The following G2E3 variants were observed in gnomAD, a reference collection of about 807,000 sequenced individuals.
G2E3 encodes the protein G2/M phase-specific E3 ubiquitin-protein ligase.
G2E3 carries 35 observed loss-of-function variants against 92.8 expected under a neutral mutation model. The observed-to-expected ratio is 0.38, with a 90% CI of 0.29 to 0.50. The LOEUF is 0.50. Among genes scored for constraint, G2E3 ranks in the 20% least tolerant of loss-of-function variants. The pLI is 0.94. For missense variants in G2E3, 554 were observed against 823.8 expected (o/e 0.67, Z 4.01); for synonymous variants, 242 against 272.4 (o/e 0.89, Z 1.10).
intron 1 of G2E3, among the ~76,000 whole-genome samples, chr14:30,563,483 T>C (rs1419087923): frequency 6.6e-6 from 1 of 152,034 alleles, no homozygotes; most frequent in Non-Finnish European, 1.5e-5. Context: ...TGTGATTTCT[T>C]GATTTTGGAG....
chr14:30,571,553 C>G (rs1387041144), intron 1 of G2E3, among the ~76,000 whole-genome samples: 1 of 151,892 alleles, frequency 6.6e-6, no homozygotes. Flanking sequence ...ATGTTTTCTT[C>G]TAGAAGTTTT....
chr14:30,560,799 G>A (rs781099291), intron 1 of G2E3: 22 of 701,912 alleles, frequency 3.1e-5, no homozygotes, highest in Admixed American at 6.0e-5. Context: ...TGAATCAGTA[G>A]GTCTGGAGGA....
At chr14:30,566,957 T>A (rs1879473842) in intron 1 of G2E3, among the ~76,000 whole-genome samples, 3 of 152,308 alleles carry the variant, frequency 2.0e-5, no homozygotes, top group South Asian at 2.1e-4. Context: ...CTTTTCCTTT[T>A]TCTCTATTAG....
At chr14:30,569,185 C>G (rs1026686319) in intron 1 of G2E3, among the ~76,000 whole-genome samples, 2 of 152,028 alleles carry the variant, frequency 1.3e-5, no homozygotes, top group African/African-American at 4.8e-5. Context: ...AAGCCCCTAC[C>G]CCTTCTCTCT....
At chr14:30,577,925 G>A (rs1880209559) in intron 1 of G2E3, 1 of 152,094 alleles carries the variant, frequency 6.6e-6, no homozygotes, top group African/African-American at 2.4e-5. Context: ...GAAGGGAATG[G>A]TTTTATTTTG....
intron 12 of G2E3, among the ~76,000 whole-genome samples, chr14:30,611,086 G>T (rs145741526): frequency 9.8e-4 from 150 of 152,322 alleles, no homozygotes; most frequent in South Asian, 4.6e-3. Context: ...ATTATTGTTT[G>T]CATCCACATG....
chr14:30,568,591 G>A (rs1258138750), intron 1 of G2E3, among the ~76,000 whole-genome samples: 1 of 151,382 alleles, frequency 6.6e-6, no homozygotes, highest in African/African-American at 2.4e-5. Flanking sequence ...GCTATCTTGG[G>A]GATTACAATT....
chr14:30,605,623 G>A lies in G2E3; in HGVS notation c.1129G>A (p.Asp377Asn). The change falls in exon 11 of 15, where the codon GAT becomes AAT. Residue 377 changes from aspartate (D) to asparagine (N), a missense_variant. Around this residue, in one of 3 missense-constraint regions of G2E3, gnomAD observed 397 missense variants for 560.3 expected, o/e 0.71. Transcript: ENST00000206595. The part of the protein sequence containing the change: ...NKANIWNSAL[D>N]AFRNRNFNPS... ...AGCCAATATCTGGAATAGTGCCTTAGATGCATTCAGAAATCGAAACTTTAA... is the reference window on the plus strand; with the variant it reads ...AGCCAATATCTGGAATAGTGCCTTAAATGCATTCAGAAATCGAAACTTTAA... The A allele has an allele frequency of 6.3e-7, 1 of 1,595,666 alleles. No individual in the cohort carries two copies. The highest frequency in any genetic ancestry group is 8.6e-7 in the Non-Finnish European group (1 of 1,164,134).
At chr14:30,584,151 C>A (rs1880581796) in intron 2 of G2E3, among the ~76,000 whole-genome samples, 1 of 152,198 alleles carries the variant, frequency 6.6e-6, no homozygotes, top group South Asian at 2.1e-4. Context: ...TGTTTGACTT[C>A]TTTCACTTAA....
chr14:30,601,946 A>T (rs746693778), intron 9 of G2E3, 52 bp downstream of exon 9: 8 of 1,604,264 alleles, frequency 5.0e-6, no homozygotes, highest in South Asian at 1.1e-5. Flanking sequence ...TATATGATTT[A>T]AAAGTTTTTA....
In G2E3 at chr14:30,617,858, T is replaced by A. The variant is rs919494527; in HGVS notation, c.*1324T>A. 1 of 151,982 alleles carries A rather than the reference T, an allele frequency of 6.6e-6. No individual in the cohort carries two copies. The highest frequency in any genetic ancestry group is 1.5e-5 in the Non-Finnish European group (1 of 67,918). The allele number at this position is 151,982 out of a possible 1,614,324, so 9.4% of individuals were successfully genotyped here. ...ATTTATACTCCCACAGAAGAAAAAA[T>A]TGGAAAACAAAGTCTGATGTCCTTA... On this transcript the variant is annotated 3_prime_UTR_variant, in exon 15 of 15. Transcript: ENST00000206595.
chr14:30,597,689 A>G (rs1405381454), intron 7 of G2E3, among the ~76,000 whole-genome samples, 163 bp downstream of exon 7: 1 of 152,240 alleles, frequency 6.6e-6, no homozygotes, highest in Non-Finnish European at 1.5e-5. Flanking sequence ...CAGTTCTTGG[A>G]AAGCAGGGAC....
At chr14:30,604,582 A>ATGCTGCTGC (rs148435440) in intron 10 of G2E3, among the ~76,000 whole-genome samples, 2 of 151,562 alleles carry the variant, frequency 1.3e-5, no homozygotes, top group Admixed American at 6.6e-5. Context: ...TTCTGGGGTA[A>ATGCTGCTGC]TGCTGCTGCT....
At position 30,605,768 on chromosome 14, in the gene G2E3, T is replaced by A; in HGVS notation, c.1274T>A (p.Leu425Ter). The A allele has an allele frequency of 6.3e-7, 1 of 1,595,368 alleles. No homozygotes were observed. Among genetic ancestry groups the A allele is most frequent in the Non-Finnish European group, 8.5e-7 (1 of 1,172,668 alleles). Reference protein sequence around the residue: ...LLMQHLENSSLFEGSLSKNLS... With the variant: ...LLMQHLENSS ...ATGCAACATCTTGAGAACTCATCAT[T>A]GTTTGAAGGGTCCTTGTCAAAGAAC... The change falls in exon 11 of 15, where the codon TTG becomes TAG. Residue 425 changes from leucine (L) to a stop codon, truncating the protein, a stop_gained. Coordinates refer to ENST00000206595, the MANE Select transcript of G2E3 (RefSeq NM_017769.5). LOFTEE classifies it high-confidence loss of function.
At chr14:30,564,612 G>T (rs987182493) in intron 1 of G2E3, among the ~76,000 whole-genome samples, 2 of 152,138 alleles carry the variant, frequency 1.3e-5, no homozygotes, top group African/African-American at 4.8e-5. Context: ...GGAATTACAG[G>T]TGTGAGCCAC....
At chr14:30,589,250 A>G in intron 3 of G2E3, 133 bp from the exon 4 acceptor site, 3 of 578,030 alleles carry the variant, frequency 5.2e-6, no homozygotes, top group South Asian at 5.2e-5. Context: ...AAAAATAACT[A>G]CTATAGATAA....
Position 30,609,636 on chromosome 14 carries a change from G to C in G2E3, c.1500+1567G>C, listed in dbSNP as rs1048619203. Among the ~76,000 whole-genome samples, 15 of 152,074 alleles carry C rather than the reference G, an allele frequency of 9.9e-5. 1 individual carries two copies. The highest frequency in any genetic ancestry group is 5.9e-4 in the Admixed American group (9 of 15,272). The stretch of plus-strand genomic sequence containing the variant: ...ACAGACCTGTATTTTTGAGCCCCCG[G>C]ACTTTTATATACAGATAAGACCTGG... On this transcript the variant is annotated intron_variant, in intron 12 of 14. Coordinates refer to ENST00000206595, the MANE Select transcript of G2E3 (RefSeq NM_017769.5).
Position 30,612,330 on chromosome 14 carries a change from G to T in G2E3, c.1624G>T (p.Asp542Tyr). ...TLSDKYMLVK[D>Y]ILGYHVIQRV... ...AAGTGATAAATATATGTTAGTAAAA[G>T]ACATACTTGGCTACCATGTAATTCA... The change falls in exon 13 of 15, where the codon GAC (aspartate) becomes TAC (tyrosine). Residue 542 changes from aspartate (D) to tyrosine (Y), a missense_variant. Physicochemically the swap from Asp to Tyr is radical, Grantham distance 160. Around this residue, in one of 3 missense-constraint regions of G2E3, gnomAD observed 397 missense variants for 560.3 expected, o/e 0.71. Coordinates refer to ENST00000206595, the MANE Select transcript of G2E3 (RefSeq NM_017769.5). 1.9e-6 allele frequency: 3 copies of T among 1,608,402 alleles called. No homozygotes were observed. Among genetic ancestry groups the T allele is most frequent in the Non-Finnish European group, 2.6e-6 (3 of 1,175,946 alleles).
intron 1 of G2E3, among the ~76,000 whole-genome samples, chr14:30,571,302 A>T (rs1220439278): frequency 6.8e-6 from 1 of 148,068 alleles, no homozygotes. Flanking sequence ...CATTTTGTTC[A>T]TTTTATTGTG....
Sources: gnomAD v4.1 joint callset for allele counts (sites outside exome capture counted in the v4.1 genomes callset) on GRCh38, gnomAD v4.1.1 for gene constraint, gnomAD v4.1.1 regional missense constraint, MANE v1.5 for transcripts, NCBI Gene and HGNC (gene_info 2026-07-23, HGNC 2026-07-21) for gene names.